The following NTRK3 variants were observed in gnomAD, a reference collection of about 807,000 sequenced individuals.
NTRK3 encodes the protein NT-3 growth factor receptor.
A neutral mutation model predicts 91.7 loss-of-function variants in NTRK3; 24 were observed. The ratio of observed to expected loss-of-function variants is 0.26; its 90% CI spans 0.19 to 0.37. The LOEUF (loss-of-function observed/expected upper bound fraction) is 0.37. Among genes scored for constraint, NTRK3 ranks in the 10% least tolerant of loss-of-function variants. NTRK3 has a pLI of 1.00. For missense variants in NTRK3, 880 were observed against 1,068.9 expected (o/e 0.82, Z 2.46); for synonymous variants, 483 against 404.0 (o/e 1.20, Z -2.34).
At chr15:87,918,293 C>A (rs1413584730) in intron 17 of NTRK3, among the ~76,000 whole-genome samples, 1 of 152,330 alleles carries the variant, frequency 6.6e-6, no homozygotes, top group Non-Finnish European at 1.5e-5. Flanking sequence ...CAACAGATGA[C>A]AAATCCTCTG....
chr15:88,165,614 G>A (rs1049871220), intron 5 of NTRK3, among the ~76,000 whole-genome samples: 3 of 152,148 alleles, frequency 2.0e-5, no homozygotes, highest in African/African-American at 2.4e-5. Context: ...TGTTTGTTAG[G>A]AGCTAATCAC....
At chr15:88,125,786 CTG>C (rs2053223590) in intron 13 of NTRK3, among the ~76,000 whole-genome samples, 1 of 152,188 alleles carries the variant, frequency 6.6e-6, no homozygotes, top group South Asian at 2.1e-4. Flanking sequence ...CTCTGGGACT[CTG>C]TGTAGAGCTA....
chr15:88,078,303 C>T (rs1211160825), intron 13 of NTRK3, among the ~76,000 whole-genome samples: 1 of 152,196 alleles, frequency 6.6e-6, no homozygotes, highest in African/African-American at 2.4e-5. Flanking sequence ...CGAAGAAGCA[C>T]ATACCTCACA....
intron 17 of NTRK3, 91 bp downstream of exon 17, chr15:87,929,100 C>T (rs2141906041): frequency 6.3e-7 from 1 of 1,599,560 alleles, no homozygotes; most frequent in Non-Finnish European, 8.6e-7. Flanking sequence ...ATGTGTGTGC[C>T]AGAGTGACAG....
chr15:87,906,144 T>C (rs919834712), intron 17 of NTRK3, among the ~76,000 whole-genome samples: 1 of 152,236 alleles, frequency 6.6e-6, no homozygotes, highest in Non-Finnish European at 1.5e-5. Flanking sequence ...TCAACCTGGA[T>C]TTAAATCCTG....
chr15:87,913,694 T>C (rs2067251840), intron 17 of NTRK3, among the ~76,000 whole-genome samples: 1 of 152,152 alleles, frequency 6.6e-6, no homozygotes, highest in South Asian at 2.1e-4. Context: ...AGCAATTCAG[T>C]GACATGGGAA....
intron 17 of NTRK3, among the ~76,000 whole-genome samples, chr15:87,907,701 C>A (rs953203802): frequency 6.6e-6 from 1 of 152,112 alleles, no homozygotes; most frequent in African/African-American, 2.4e-5. Context: ...TAGGTGAATT[C>A]TGTGGTTCTG....
intron 13 of NTRK3, among the ~76,000 whole-genome samples, chr15:88,038,264 C>T (rs1169906299): frequency 6.6e-6 from 1 of 152,208 alleles, no homozygotes; most frequent in Non-Finnish European, 1.5e-5. Flanking sequence ...GCTATATCCA[C>T]AGCGGAAAAG....
At chr15:88,111,813 A>G (rs2051390664) in intron 13 of NTRK3, among the ~76,000 whole-genome samples, 1 of 151,840 alleles carries the variant, frequency 6.6e-6, no homozygotes, top group African/African-American at 2.4e-5. Flanking sequence ...CATAATATGG[A>G]TGGTAACAAT....
rs766539474 is a variant in NTRK3 at position 88,068,200 on chromosome 15, G to A, written c.1397-35155C>T. Among the ~76,000 whole-genome samples the A allele has an allele frequency of 8.0e-4, 122 of 152,190 alleles. 1 individual carries two copies. Among genetic ancestry groups the A allele is most frequent in the Non-Finnish European group, 1.3e-3 (90 of 68,036 alleles). On this transcript the variant is annotated intron_variant, in intron 13 of 18. Transcript: ENST00000394480. Reference sequence around the variant, plus strand: ...TTACCCCAGCACTTTGGGAGGCTGAGGAGAGGGGATCACTTGAGGCCAGGA... The same window carrying A: ...TTACCCCAGCACTTTGGGAGGCTGAAGAGAGGGGATCACTTGAGGCCAGGA...
rs563538423 is a variant in NTRK3, at chr15:87,938,918, T to C, written c.1716+1705A>G. Among the ~76,000 whole-genome samples the C allele has an allele frequency of 8.5e-5, 13 of 152,344 alleles. No individual in the cohort carries two copies. In the South Asian group the frequency reaches 1.9e-3, roughly 22 times the overall value. The stretch of plus-strand genomic sequence containing the variant: ...TTATTTACAGGATGTACAGCAATAA[T>C]AATCATTAGCCTTTTAGGATGCAGG... On this transcript the variant is annotated intron_variant, in intron 15 of 18. Coordinates refer to ENST00000394480, the Ensembl canonical transcript of NTRK3.
chr15:87,940,775 G>T lies in NTRK3; in HGVS notation c.1586-22C>A, dbSNP rs1429505307. On this transcript the variant is annotated intron_variant, in intron 14 of 18. Coordinates refer to ENST00000394480, the Ensembl canonical transcript of NTRK3. ...ACATCTGTAGGATGGGGACAAAGAG[G>T]AGGGCAGCAAATCAGTCCTCGTTTG... is the stretch of plus-strand genomic sequence containing the variant. 3.1e-6 allele frequency: 5 copies of T among 1,614,086 alleles called. No homozygotes were observed. In the Admixed American group the frequency reaches 5.0e-5, roughly 16 times the overall value.
At chr15:88,098,091 C>G (rs894592523) in intron 13 of NTRK3, among the ~76,000 whole-genome samples, 2 of 152,140 alleles carry the variant, frequency 1.3e-5, no homozygotes, top group African/African-American at 4.8e-5. Context: ...CAAAAAGAAA[C>G]AAAGGTAAAT....
At chr15:87,863,962 C>G (rs2064591422) in exon 19 of NTRK3, 1 of 226,812 alleles carries the variant, frequency 4.4e-6, no homozygotes, top group Non-Finnish European at 8.6e-6. Context: ...TTTAACCCCC[C>G]ACCAGGCAAA....
chr15:88,137,125 C>G (rs759033667), intron 7 of NTRK3, among the ~76,000 whole-genome samples: 2 of 152,180 alleles, frequency 1.3e-5, no homozygotes, highest in Non-Finnish European at 2.9e-5. Context: ...TGACAGGTAA[C>G]TCACAGGGAG....
In NTRK3 at chr15:88,243,289, A is replaced by G. The variant is rs576392428; in HGVS notation, c.248+12617T>C. 1.1e-3 allele frequency among the ~76,000 whole-genome samples: 161 copies of G among 152,298 alleles called. 1 individual carries two copies. The highest frequency in any genetic ancestry group is 3.4e-3 in the Middle Eastern group (1 of 294). On this transcript the variant is annotated intron_variant, in intron 3 of 18. Coordinates refer to ENST00000394480, the Ensembl canonical transcript of NTRK3. The surrounding 1 kb of genome is among the most constrained non-coding windows in gnomAD (Gnocchi z 4.8). Reference sequence around the variant, plus strand: ...GCCACTTAAGAGGTGGCAGGGAGTCAGAAACACAATCTGGAGCAAAGCTGA... The same window carrying G: ...GCCACTTAAGAGGTGGCAGGGAGTCGGAAACACAATCTGGAGCAAAGCTGA...
At chr15:87,917,700 G>C (rs1385224429) in intron 17 of NTRK3, among the ~76,000 whole-genome samples, 1 of 152,148 alleles carries the variant, frequency 6.6e-6, no homozygotes, top group Non-Finnish European at 1.5e-5. Flanking sequence ...TAGTAAGTGA[G>C]TTATTCATCT....
intron 6 of NTRK3, among the ~76,000 whole-genome samples, chr15:88,145,638 C>A (rs935431530): frequency 6.6e-6 from 1 of 152,192 alleles, no homozygotes; most frequent in South Asian, 2.1e-4. Context: ...ATTGATTTCA[C>A]ATCCAATAAT....
At chr15:88,017,505 G>T (rs1596724406) in intron 14 of NTRK3, among the ~76,000 whole-genome samples, 1 of 152,260 alleles carries the variant, frequency 6.6e-6, no homozygotes, top group East Asian at 2.0e-4. Flanking sequence ...GGAAATAAAA[G>T]GGAGAATCCA....
Sources: gnomAD v4.1 joint callset for allele counts (sites outside exome capture counted in the v4.1 genomes callset) on GRCh38, gnomAD v4.1.1 for gene constraint, Gnocchi (gnomAD v3.1) non-coding constraint, MANE v1.5 for transcripts, NCBI Gene and HGNC (gene_info 2026-07-23, HGNC 2026-07-21) for gene names.